Variants in DCAF8L2 observed in about 807,000 individuals in gnomAD.
DCAF8L2 encodes the protein DDB1- and CUL4-associated factor 8-like protein 2.
For missense variants in DCAF8L2, 430 were observed against 490.7 expected (o/e 0.88, Z 1.17); for synonymous variants, 200 against 190.9 (o/e 1.05, Z -0.39).
At chrX:27,469,577 G>A in the DCAF8L2 span, among the ~76,000 whole-genome samples, 1 of 111,465 alleles carries the variant, frequency 9.0e-6, no homozygotes, top group South Asian at 3.8e-4. Context: ...GGGGTGCCTT[G>A]AATATGTTTG....
chrX:27,704,692 G>C (rs1931282754), intron 3 of DCAF8L2, among the ~76,000 whole-genome samples: 1 of 111,299 alleles, frequency 9.0e-6, no homozygotes, highest in South Asian at 3.8e-4. Flanking sequence ...TATAGAAGAT[G>C]ATGAATGTGT....
chrX:27,573,047 G>C, the DCAF8L2 span, among the ~76,000 whole-genome samples: 1 of 109,349 alleles, frequency 9.1e-6, no homozygotes, highest in African/African-American at 3.3e-5. Context: ...CAAAAGATTT[G>C]GTTCCTATGG....
chrX:27,651,431 T>C (rs1000208493), intron 2 of DCAF8L2, among the ~76,000 whole-genome samples: 11 of 110,831 alleles, frequency 9.9e-5, no homozygotes, highest in African/African-American at 3.6e-4. Context: ...CCTAATTCAA[T>C]GGCTTCTTGC....
chrX:27,748,533 T>C lies in DCAF8L2; in HGVS notation c.1638T>C (p.Ala546=). The C allele has an allele frequency of 8.3e-7, 1 of 1,211,614 alleles. No individual in the cohort carries two copies. Among genetic ancestry groups the C allele is most frequent in the Non-Finnish European group, 1.1e-6 (1 of 895,351 alleles). Residue 546 remains alanine, a synonymous_variant, in exon 5 of 5, where the codon GCT becomes GCC. Coordinates refer to ENST00000451261, the MANE Select transcript of DCAF8L2 (RefSeq NM_001353450.2). ...DVKIWTPTAK[A]ATELTGLKKV... ...AGATCTGGACACCCACAGCTAAAGCTGCCACTGAGCTTACTGGGTTAAAGA... is the reference window on the plus strand; with the variant it reads ...AGATCTGGACACCCACAGCTAAAGCCGCCACTGAGCTTACTGGGTTAAAGA...
the DCAF8L2 span, among the ~76,000 whole-genome samples, chrX:27,499,135 A>C: frequency 8.9e-6 from 1 of 112,270 alleles, no homozygotes; most frequent in African/African-American, 3.2e-5. Flanking sequence ...CTAATTTTTT[A>C]TGGAATGTTT....
intron 1 of DCAF8L2, among the ~76,000 whole-genome samples, chrX:27,614,899 C>A (rs1927384128): frequency 9.0e-6 from 1 of 110,575 alleles, no homozygotes. Flanking sequence ...GGAATAAGTT[C>A]AGATTCTATA....
At chrX:27,520,033 T>A in the DCAF8L2 span, among the ~76,000 whole-genome samples, 1 of 111,954 alleles carries the variant, frequency 8.9e-6, no homozygotes, top group African/African-American at 3.2e-5. Context: ...TCCCATTTAG[T>A]TACTATTTCT....
intron 2 of DCAF8L2, among the ~76,000 whole-genome samples, chrX:27,673,507 C>CAA (rs57955039): frequency 0.24 from 13,223 of 54,110 alleles, 1,695 homozygotes; most frequent in Middle Eastern, 0.34. Flanking sequence ...GATTCCATCT[C>CAA]AAAAAAAAAA....
chrX:27,542,532 AC>A, the DCAF8L2 span, among the ~76,000 whole-genome samples: 12 of 58,446 alleles, frequency 2.1e-4, no homozygotes, highest in South Asian at 2.0e-3. Flanking sequence ...TCCTTTGCCT[AC>A]TTTTTTTTTT....
At chrX:27,714,690 A>G (rs1292387376) in intron 3 of DCAF8L2, among the ~76,000 whole-genome samples, 1 of 111,619 alleles carries the variant, frequency 9.0e-6, no homozygotes, top group Non-Finnish European at 1.9e-5. Context: ...AAGCATACAG[A>G]TATTTGAGAA....
the DCAF8L2 span, among the ~76,000 whole-genome samples, chrX:27,508,670 A>G: frequency 6.8e-5 from 7 of 103,665 alleles, no homozygotes; most frequent in South Asian, 3.3e-3. Context: ...TGACTTGTTA[A>G]TGAAGTCATC....
At chrX:27,677,033 AC>A (rs1435077119) in intron 2 of DCAF8L2, 1 of 112,001 alleles carries the variant, frequency 8.9e-6, no homozygotes, top group South Asian at 3.7e-4. Flanking sequence ...CAGAAACCTA[AC>A]TGTTGACAAG....
At chrX:27,519,527 C>A in the DCAF8L2 span, 1 of 814,341 alleles carries the variant, frequency 1.2e-6, no homozygotes, top group Non-Finnish European at 1.9e-6. Context: ...TTGGAAAAGA[C>A]CAAAGAAGAG....
rs1357476088 is a variant in DCAF8L2, at chrX:27,641,084, T to C, written c.-220+9084T>C. On this transcript the variant is annotated intron_variant, in intron 2 of 4. Transcript: ENST00000451261. The stretch of plus-strand genomic sequence containing the variant: ...GTTATAGATAACACAATCTTTTTAT[T>C]ATTTTTATTTGAAGATTTGATTATC... Among the ~76,000 whole-genome samples the C allele has an allele frequency of 3.6e-5, 4 of 112,089 alleles. No homozygotes were observed. In the Admixed American group the frequency reaches 3.8e-4, roughly 11 times the overall value.
intron 3 of DCAF8L2, 48 bp from the exon 4 acceptor site, chrX:27,716,040 A>G (rs1406754955): frequency 2.7e-5 from 3 of 112,436 alleles, no homozygotes; most frequent in African/African-American, 9.7e-5. Flanking sequence ...ATCCTTATTA[A>G]GAAATCTGAT....
the DCAF8L2 span, among the ~76,000 whole-genome samples, chrX:27,488,556 TGTGTGTGC>T: frequency 0.089 from 7,292 of 81,832 alleles, 519 homozygotes; most frequent in African/African-American, 0.28. Context: ...TGTGTGTGTG[TGTGTGTGC>T]GCTTTCATAT....
chrX:27,566,215 T>C, the DCAF8L2 span, among the ~76,000 whole-genome samples: 26 of 109,904 alleles, frequency 2.4e-4, no homozygotes, highest in African/African-American at 7.6e-4. Flanking sequence ...GTGAAACTTA[T>C]TGGTTACAAC....
the DCAF8L2 span, among the ~76,000 whole-genome samples, chrX:27,507,893 G>A: frequency 9.0e-5 from 10 of 111,357 alleles, no homozygotes; most frequent in African/African-American, 3.3e-4. Context: ...ATATGACACA[G>A]TGTATATCCT....
chrX:27,587,988 ATATATATAT>A (rs1569152527), upstream of DCAF8L2, among the ~76,000 whole-genome samples: 49 of 13,235 alleles, frequency 3.7e-3, no homozygotes, highest in East Asian at 0.081. Context: ...AAAAAAAAAT[ATATATATAT>A]ATATATATAT....
Sources: gnomAD v4.1 joint callset for allele counts (sites outside exome capture counted in the v4.1 genomes callset) on GRCh38, gnomAD v4.1.1 for gene constraint, MANE v1.5 for transcripts, NCBI Gene and HGNC (gene_info 2026-07-23, HGNC 2026-07-21) for gene names.